Variants in DTNB observed in about 807,000 individuals in gnomAD.
DTNB encodes DTN-B.
Under a neutral mutation model 90.7 loss-of-function variants are expected in DTNB, and 63 were observed. That is an observed-to-expected ratio of 0.69 (90% CI 0.57 to 0.86). DTNB has a LOEUF of 0.86. Ranked by LOEUF, DTNB falls within the 40% of genes least tolerant of loss-of-function variation. DTNB has a pLI of 0.00. For missense variants in DTNB, 744 were observed against 807.1 expected (o/e 0.92, Z 0.95); for synonymous variants, 277 against 286.7 (o/e 0.97, Z 0.34).
At position 25,387,010 on chromosome 2, in the gene DTNB, C is replaced by T. The variant is rs766865365; in HGVS notation, c.1825+279G>A. Among the ~76,000 whole-genome samples, 1 of 152,144 alleles carries T rather than the reference C, an allele frequency of 6.6e-6. No individual in the cohort carries two copies. Among genetic ancestry groups the T allele is most frequent in the African/African-American group, 2.4e-5 (1 of 41,438 alleles). On this transcript the variant is annotated intron_variant, in intron 18 of 20. Transcript: ENST00000406818. This position sits in a 1 kb window ranked among gnomAD's most constrained non-coding sequence, Gnocchi z 4.5. ...GAAGACGAGGTAAGTGAGGAAGGGG[C>T]CTGCCTGCACTGAAAGGTCTGAATT...
rs2059878444 is a variant in DTNB, at chr2:25,455,477, T to C, written c.1097A>G (p.Asp366Gly). 4 of 1,606,502 alleles carry C rather than the reference T, an allele frequency of 2.5e-6. No individual in the cohort carries two copies. Among genetic ancestry groups the C allele is most frequent in the African/African-American group, 1.3e-5 (1 of 74,876 alleles). Residue 366 changes from aspartate (D) to glycine (G), a missense_variant, in exon 11 of 21, where the codon GAT becomes GGT. Transcript: ENST00000406818. ...TPTKRLQYSQ[D>G]IPSHLADEHA... Reference sequence around the variant, plus strand: ...CTCATCGGCCAAGTGACTGGGTATATCCTGGCTATACTGTAACCTAGGAAC... The same window carrying C: ...CTCATCGGCCAAGTGACTGGGTATACCCTGGCTATACTGTAACCTAGGAAC...
intron 9 of DTNB, among the ~76,000 whole-genome samples, chr2:25,503,053 CAAAAAAAAAAAAAAAAAAAAAAAAAAAA>C (rs58871909): frequency 6.5e-5 from 1 of 15,332 alleles, no homozygotes; most frequent in Non-Finnish European, 1.3e-4. Flanking sequence ...GACCCTATCT[CAAAAAAAAAAAAAAAAAAAAAAAAAAAA>C]AAAAAAAAAA....
At position 25,579,986 on chromosome 2, in the gene DTNB, T is replaced by C. The variant is rs532665418; in HGVS notation, c.709+735A>G. 2.9e-5 allele frequency among the ~76,000 whole-genome samples: 4 copies of C among 136,078 alleles called. No homozygotes were observed. The East Asian group carries it at 8.6e-4, about 29-fold the overall frequency. The allele number at this position is 136,078 out of a possible 152,430, so 89.3% of individuals were successfully genotyped here. ...ACTATAGTATCCTTTCTTTTTTTTT[T>C]TTTTTTTTTTTTTTGAGACAGAGTC... On this transcript the variant is annotated intron_variant, in intron 7 of 20. Transcript: ENST00000406818.
At chr2:25,388,476 T>C in intron 16 of DTNB, 115 bp from the exon 17 acceptor site, 1 of 1,332,934 alleles carries the variant, frequency 7.5e-7, no homozygotes, top group Non-Finnish European at 1.0e-6. Context: ...AGTTCAGTGG[T>C]ACAAGATCAT....
At chr2:25,380,820 G>A (rs2037471274) in intron 19 of DTNB, among the ~76,000 whole-genome samples, 1 of 144,366 alleles carries the variant, frequency 6.9e-6, no homozygotes, top group African/African-American at 2.4e-5. Context: ...CAGGTGCAAA[G>A]ACAGCACCTT....
At chr2:25,436,038 C>T (rs2055639947) in intron 12 of DTNB, among the ~76,000 whole-genome samples, 1 of 152,134 alleles carries the variant, frequency 6.6e-6, no homozygotes, top group African/African-American at 2.4e-5. Flanking sequence ...TTGTTAACTC[C>T]TTTAAGAATA....
At chr2:25,475,696 G>C (rs901502056) in intron 10 of DTNB, among the ~76,000 whole-genome samples, 1 of 152,228 alleles carries the variant, frequency 6.6e-6, no homozygotes, top group Non-Finnish European at 1.5e-5. Context: ...AGCTTCAAAA[G>C]GACAGGCTGA....
intron 9 of DTNB, among the ~76,000 whole-genome samples, chr2:25,511,690 A>G (rs936555157): frequency 1.3e-5 from 2 of 152,176 alleles, no homozygotes; most frequent in Non-Finnish European, 2.9e-5. Context: ...TCAGTTTTAG[A>G]TTTTAAGCTT....
intron 9 of DTNB, among the ~76,000 whole-genome samples, chr2:25,498,200 A>C (rs539349241): frequency 6.6e-6 from 1 of 152,342 alleles, no homozygotes; most frequent in South Asian, 2.1e-4. Flanking sequence ...TTACACTAAA[A>C]GTAGAGGTAG....
intron 8 of DTNB, among the ~76,000 whole-genome samples, chr2:25,549,431 T>A (rs1253996713): frequency 6.6e-6 from 1 of 152,146 alleles, no homozygotes; most frequent in Non-Finnish European, 1.5e-5. Context: ...ACCCTTAAAT[T>A]TTTAATGCAT....
Position 25,383,821 on chromosome 2 carries a change from C to T in DTNB, c.1879+15G>A. On this transcript the variant is annotated intron_variant, in intron 19 of 20. Transcript: ENST00000406818. The stretch of plus-strand genomic sequence containing the variant: ...CTCCCCATTTAAACGAGCAGTCCTG[C>T]TGAGCTGCCTTTACCTCTGTCTTTC... The T allele has an allele frequency of 1.9e-6, 3 of 1,614,066 alleles. No individual in the cohort carries two copies. In the African/African-American group the frequency reaches 4.0e-5, roughly 22 times the overall value.
chr2:25,514,112 G>A (rs2074512684), intron 9 of DTNB, among the ~76,000 whole-genome samples: 1 of 152,146 alleles, frequency 6.6e-6, no homozygotes, highest in African/African-American at 2.4e-5. Context: ...CAAGTGTCAT[G>A]CAGAAACTGA....
In DTNB at chr2:25,627,535, T is replaced by C. The variant is rs1415532284; in HGVS notation, c.362+636A>G. 4.6e-5 allele frequency among the ~76,000 whole-genome samples: 7 copies of C among 152,070 alleles called. No homozygotes were observed. The East Asian group carries it at 5.8e-4, about 13-fold the overall frequency. On this transcript the variant is annotated intron_variant, in intron 4 of 20. Coordinates refer to ENST00000406818, the MANE Select transcript of DTNB (RefSeq NM_021907.5). ...AGAAAGAGGAGACTTAGAAGTCAAA[T>C]AGAAAGCCCCATAATCAAATTCAAA...
intron 8 of DTNB, among the ~76,000 whole-genome samples, chr2:25,548,076 A>C (rs538187527): frequency 6.6e-6 from 1 of 151,996 alleles, no homozygotes; most frequent in African/African-American, 2.4e-5. Context: ...TATTTTACTA[A>C]TTTTTTCAAA....
chr2:25,479,887 G>T (rs2064563392), intron 10 of DTNB, among the ~76,000 whole-genome samples: 1 of 152,168 alleles, frequency 6.6e-6, no homozygotes, highest in African/African-American at 2.4e-5. Flanking sequence ...GAGAGTAGCT[G>T]CTCTATCTCC....
At chr2:25,566,714 G>T (rs1369816819) in intron 8 of DTNB, among the ~76,000 whole-genome samples, 1 of 152,204 alleles carries the variant, frequency 6.6e-6, no homozygotes, top group African/African-American at 2.4e-5. Flanking sequence ...CAATGCATGG[G>T]ATGTGAGAGA....
At chr2:25,560,878 A>C (rs1243720961) in intron 8 of DTNB, among the ~76,000 whole-genome samples, 4 of 152,160 alleles carry the variant, frequency 2.6e-5, no homozygotes, top group Non-Finnish European at 4.4e-5. Flanking sequence ...GGTTGGTGGT[A>C]GTTTGTTATG....
At chr2:25,422,516 C>T (rs1366494984) in intron 15 of DTNB, among the ~76,000 whole-genome samples, 2 of 150,156 alleles carry the variant, frequency 1.3e-5, no homozygotes, top group African/African-American at 4.9e-5. Flanking sequence ...AGTGATTCCC[C>T]TGCCTCAGCC....
Position 25,634,371 on chromosome 2 carries a change from C to T in DTNB, c.148+4643G>A, listed in dbSNP as rs1241257103. ...CCCCCGCCCGGCCAGCCGCCCCGTC[C>T]GGGAGGGAGGTGGGGGGGTCAGCCC... is the stretch of plus-strand genomic sequence containing the variant. On this transcript the variant is annotated intron_variant, in intron 3 of 20. Coordinates refer to ENST00000406818, the MANE Select transcript of DTNB (RefSeq NM_021907.5). 2.1e-3 allele frequency among the ~76,000 whole-genome samples: 293 copies of T among 139,756 alleles called. 1 individual carries two copies. Among genetic ancestry groups the T allele is most frequent in the African/African-American group, 7.1e-3 (267 of 37,498 alleles). The allele number at this position is 139,756 out of a possible 152,430, so 91.7% of individuals were successfully genotyped here. A position where few individuals can be genotyped will look rare whatever the true frequency, so the allele number is the denominator to read the frequency against.
Sources: gnomAD v4.1 joint callset for allele counts (sites outside exome capture counted in the v4.1 genomes callset) on GRCh38, gnomAD v4.1.1 for gene constraint, Gnocchi (gnomAD v3.1) non-coding constraint, MANE v1.5 for transcripts, NCBI Gene and HGNC (gene_info 2026-07-23, HGNC 2026-07-21) for gene names.